Variants in KIFC1 observed in about 807,000 individuals in gnomAD.
KIFC1 encodes kinesin-like protein KIFC1.
In KIFC1, 37 loss-of-function variants were observed where a neutral mutation model predicts 66.6. The observed-to-expected ratio is 0.56, with a 90% confidence interval of 0.43 to 0.73. The LOEUF (loss-of-function observed/expected upper bound fraction) is 0.73, where lower values mean the gene tolerates loss of function less well. KIFC1 is among the 30% of genes least tolerant of loss of function. The pLI, the probability that KIFC1 is intolerant of heterozygous loss-of-function variation, is 0.00. For synonymous variants in KIFC1, 325 were observed against 343.5 expected, an observed-to-expected ratio of 0.95 and a Z score of 0.60; for missense variants, 721 against 859.8, an observed-to-expected ratio of 0.84 and a Z score of 2.02.
At chr6:33,409,514 T>C in intron 10 of KIFC1, 132 bp from the exon 11 acceptor site, 1 of 900,398 alleles carries the variant, frequency 1.1e-6, no homozygotes, top group Non-Finnish European at 1.9e-6. Context: ...GGCACCAGCC[T>C]GAACCAGCCT....
Position 33,391,885 on chromosome 6 carries a change from A to T in KIFC1, c.-101A>T. 1 of 1,451,894 alleles carries T rather than the reference A, an allele frequency of 6.9e-7. No homozygotes were observed. The highest frequency in any genetic ancestry group is 9.6e-7 in the Non-Finnish European group (1 of 1,042,496). The allele number at this position is 1,451,894 out of a possible 1,614,324, so 89.9% of individuals were successfully genotyped here. A position where few individuals can be genotyped will look rare whatever the true frequency, so the allele number is the denominator to read the frequency against. On this transcript the variant is annotated 5_prime_UTR_variant, in exon 1 of 11. Transcript: ENST00000428849. The stretch of plus-strand genomic sequence containing the variant: ...GCGGCCGGAGCCGTGCGAGTTCTCT[A>T]CCCTGCTTCGCGAGCGGGCGAGAGA...
rs891410238 is a variant in KIFC1 at position 33,405,382 on chromosome 6, G to T, written c.1287G>T (p.Gln429His). ...AGGGTGGGCCTGGGGGAGACCCCCAGTTGGAGGGGCTGATCCCTCGGGCCC... is the reference window on the plus strand; with the variant it reads ...AGGGTGGGCCTGGGGGAGACCCCCATTTGGAGGGGCTGATCCCTCGGGCCC... Reference protein sequence around the residue: ...TMEGGPGGDPQLEGLIPRALR... With the variant: ...TMEGGPGGDPHLEGLIPRALR... Residue 429 changes from glutamine (Q) to histidine (H), a missense_variant, in exon 7 of 11, where the codon CAG becomes CAT. Coordinates refer to ENST00000428849, the MANE Select transcript of KIFC1 (RefSeq NM_002263.4). This position sits in a 1 kb window ranked among gnomAD's most constrained non-coding sequence, Gnocchi z 5.4. The T allele has an allele frequency of 4.4e-6, 7 of 1,609,190 alleles. No individual in the cohort carries two copies. The African/African-American group carries it at 9.4e-5, about 22-fold the overall frequency.
At chr6:33,397,643 C>T (rs1281934112) in intron 1 of KIFC1, among the ~76,000 whole-genome samples, 1 of 152,152 alleles carries the variant, frequency 6.6e-6, no homozygotes, top group East Asian at 1.9e-4. Context: ...CCTGATTCTC[C>T]CAAGCAGTCT....
chr6:33,403,834 G>T lies in KIFC1; in HGVS notation c.461G>T (p.Arg154Leu), dbSNP rs146314962. The T allele has an allele frequency of 1.2e-6, 2 of 1,614,124 alleles. No homozygotes were observed. Among genetic ancestry groups the T allele is most frequent in the African/African-American group, 1.3e-5 (1 of 74,924 alleles). Reference sequence around the variant, plus strand: ...CTAAATGCAGAACTAAAACGGTGCCGTGAGAGGACTCAAACGTTGGACCAA... The same window carrying T: ...CTAAATGCAGAACTAAAACGGTGCCTTGAGAGGACTCAAACGTTGGACCAA... ...CDLNAELKRCRERTQTLDQEN... is the reference protein window; with the variant it reads ...CDLNAELKRCLERTQTLDQEN... Residue 154 changes from arginine to leucine, a missense_variant, in exon 6 of 11, where the codon CGT becomes CTT. Coordinates refer to ENST00000428849, the MANE Select transcript of KIFC1 (RefSeq NM_002263.4). The surrounding 1 kb of genome is among the most constrained non-coding windows in gnomAD (Gnocchi z 4.6).
chr6:33,407,084 G>A, intron 10 of KIFC1: 7 of 1,390,264 alleles, frequency 5.0e-6, no homozygotes, highest in Non-Finnish European at 6.5e-6. Flanking sequence ...ACCTGAGAAA[G>A]CTGATTAAAA....
At position 33,400,002 on chromosome 6, in the gene KIFC1, C is replaced by T. The variant is rs1775294874; in HGVS notation, c.250+1615C>T. 4 of 554,806 alleles carry T rather than the reference C, an allele frequency of 7.2e-6. No homozygotes were observed. The highest frequency in any genetic ancestry group is 9.7e-6 in the Non-Finnish European group (3 of 310,110). 34.4% of individuals were successfully genotyped at this position (554,806 alleles called of 1,614,324 possible). A position where few individuals can be genotyped will look rare whatever the true frequency, so the allele number is the denominator to read the frequency against. ...ATGTAACATTTTAATCTTTTTTTAACTTTTTTTTTTCGACCAGTTGTCAAA... is the reference window on the plus strand; with the variant it reads ...ATGTAACATTTTAATCTTTTTTTAATTTTTTTTTTTCGACCAGTTGTCAAA... On this transcript the variant is annotated intron_variant, in intron 3 of 10. Coordinates refer to ENST00000428849, the MANE Select transcript of KIFC1 (RefSeq NM_002263.4). The surrounding 1 kb of genome is among the most constrained non-coding windows in gnomAD (Gnocchi z 4.3).
At chr6:33,408,056 G>A (rs1775737594) in intron 10 of KIFC1, among the ~76,000 whole-genome samples, 1 of 152,054 alleles carries the variant, frequency 6.6e-6, no homozygotes, top group African/African-American at 2.4e-5. Flanking sequence ...AATTTTAGAG[G>A]GTGGTGATGT....
At position 33,403,234 on chromosome 6, in the gene KIFC1, T is replaced by G; in HGVS notation, c.251-80T>G. On this transcript the variant is annotated intron_variant, in intron 3 of 10. Coordinates refer to ENST00000428849, the MANE Select transcript of KIFC1 (RefSeq NM_002263.4). This position sits in a 1 kb window ranked among gnomAD's most constrained non-coding sequence, Gnocchi z 4.6. The stretch of plus-strand genomic sequence containing the variant: ...TTTCTAATTCTGAGAAAAGCACTTC[T>G]TCTGCCCCTGTCCTAGCAAGTGTAC... The G allele has an allele frequency of 7.7e-7, 1 of 1,304,478 alleles. No individual in the cohort carries two copies. Among genetic ancestry groups the G allele is most frequent in the South Asian group, 1.2e-5 (1 of 84,366 alleles). 80.8% of individuals were successfully genotyped at this position (1,304,478 alleles called of 1,614,324 possible).
chr6:33,403,926 C>A lies in KIFC1; in HGVS notation c.553C>A (p.Arg185Ser), dbSNP rs1292087085. 3 of 1,614,220 alleles carry A rather than the reference C, an allele frequency of 1.9e-6. No individual in the cohort carries two copies. Among genetic ancestry groups the A allele is most frequent in the Non-Finnish European group, 2.5e-6 (3 of 1,180,028 alleles). The change falls in exon 6 of 11, where the codon CGC becomes AGC. Residue 185 changes from arginine to serine, a missense_variant. By Grantham distance (110) the Arg-to-Ser change is moderately radical. Transcript: ENST00000428849. The surrounding 1 kb of genome is among the most constrained non-coding windows in gnomAD (Gnocchi z 4.6). Reference protein sequence around the residue: ...QQQVKALGTERTTLEGHLAKV... With the variant: ...QQQVKALGTESTTLEGHLAKV... ...GCAGGTCAAGGCCCTGGGGACAGAG[C>A]GCACAACACTGGAGGGGCATTTAGC...
Position 33,396,405 on chromosome 6 carries a change from CTTTTCT to C in KIFC1, c.13-1609_13-1604del, listed in dbSNP as rs916672607. On this transcript the variant is annotated intron_variant, in intron 1 of 10. Transcript: ENST00000428849. ...AGGTACTCAGATCTCTGTGTTATTT[CTTTTCT>C]TTTTCTTTTTCTTTCTTTTCTTTTC... 1.4e-4 allele frequency among the ~76,000 whole-genome samples: 20 copies of C among 146,974 alleles called. No homozygotes were observed. The East Asian group carries it at 1.6e-3, about 12-fold the overall frequency.
At position 33,403,743 on chromosome 6, in the gene KIFC1, C is replaced by T; in HGVS notation, c.370C>T (p.Pro124Ser). The T allele has an allele frequency of 6.2e-7, 1 of 1,612,714 alleles. No homozygotes were observed. Among genetic ancestry groups the T allele is most frequent in the South Asian group, 1.1e-5 (1 of 90,938 alleles). Reference protein sequence around the residue: ...VQKSGTSGVPPMAGGKKPSKR... With the variant: ...VQKSGTSGVPSMAGGKKPSKR... The stretch of plus-strand genomic sequence containing the variant: ...GTTCATCTTAGCATCAGGTGTTCCT[C>T]CCATGGCAGGAGGGAAGAAACCCAG... Residue 124 changes from proline to serine, a missense_variant, in exon 6 of 11, where the codon CCC (proline) becomes TCC (serine). Pro to Ser is a moderately conservative substitution (Grantham distance 74). Coordinates refer to ENST00000428849, the MANE Select transcript of KIFC1 (RefSeq NM_002263.4). The surrounding 1 kb of genome is among the most constrained non-coding windows in gnomAD (Gnocchi z 4.6).
intron 1 of KIFC1, among the ~76,000 whole-genome samples, chr6:33,396,987 CTTTTTTTTTT>C (rs9282514): frequency 0.019 from 1,693 of 89,228 alleles, 42 homozygotes; most frequent in African/African-American, 0.06. Flanking sequence ...TGGCCAAGTT[CTTTTTTTTTT>C]TTTTTTTTTT....
At chr6:33,397,321 G>T in intron 1 of KIFC1, among the ~76,000 whole-genome samples, 1 of 127,178 alleles carries the variant, frequency 7.9e-6, no homozygotes, top group African/African-American at 3.0e-5. Flanking sequence ...TTTTTGAGAC[G>T]GAGTCTTACT....
At position 33,409,677 on chromosome 6, in the gene KIFC1, C is replaced by A. The variant is rs1775828418; in HGVS notation, c.2009C>A (p.Ala670Asp). 2 of 1,607,360 alleles carry A rather than the reference C, an allele frequency of 1.2e-6. No homozygotes were observed. Among genetic ancestry groups the A allele is most frequent in the Non-Finnish European group, 1.7e-6 (2 of 1,178,218 alleles). ...CAGTGTGTTATTGGTACTGCTCAGG[C>A]CAACAGGAAGTGAAGACGGATCCAG... ...VNQCVIGTAQANRK is the reference protein window; with the variant it reads ...VNQCVIGTAQDNRK Residue 670 changes from alanine to aspartate, a missense_variant, in exon 11 of 11, where the codon GCC becomes GAC. Transcript: ENST00000428849.
In KIFC1 at chr6:33,405,258, T is replaced by G; in HGVS notation, c.1163T>G (p.Phe388Cys). Residue 388 changes from phenylalanine to cysteine, a missense_variant, in exon 7 of 11, where the codon TTT (phenylalanine) becomes TGT (cysteine). Phe to Cys is a radical substitution (Grantham distance 205). Coordinates refer to ENST00000428849, the MANE Select transcript of KIFC1 (RefSeq NM_002263.4). The surrounding 1 kb of genome is among the most constrained non-coding windows in gnomAD (Gnocchi z 5.4). ...CCAGGAAGTGGACAGGATGAAGTGT[T>G]TGAAGAGATTGCCATGCTTGTCCAG... ...FPPGSGQDEVFEEIAMLVQSA... is the reference protein window; with the variant it reads ...FPPGSGQDEVCEEIAMLVQSA... 1 of 1,614,200 alleles carries G rather than the reference T, an allele frequency of 6.2e-7. No individual in the cohort carries two copies. Among genetic ancestry groups the G allele is most frequent in the Non-Finnish European group, 8.5e-7 (1 of 1,180,032 alleles).
chr6:33,397,063 C>T (rs1421433649), intron 1 of KIFC1, among the ~76,000 whole-genome samples: 1 of 147,098 alleles, frequency 6.8e-6, no homozygotes, highest in Non-Finnish European at 1.5e-5. Flanking sequence ...GATCTCGGCT[C>T]ACCGCAACCT....
In KIFC1 at chr6:33,400,652, C is replaced by T. The variant is rs2151087559; in HGVS notation, c.250+2265C>T. On this transcript the variant is annotated intron_variant, in intron 3 of 10. Transcript: ENST00000428849. The surrounding 1 kb of genome is among the most constrained non-coding windows in gnomAD (Gnocchi z 4.3). ...CGAGCCGAAAGCCGAGAGCTTCTCT[C>T]TCTTTTTTTTTTGAGATGGAGTCTC... 1 of 662,832 alleles carries T rather than the reference C, an allele frequency of 1.5e-6. No individual in the cohort carries two copies. Among genetic ancestry groups the T allele is most frequent in the South Asian group, 1.9e-5 (1 of 53,954 alleles). 41.1% of individuals were successfully genotyped at this position (662,832 alleles called of 1,614,324 possible).
At position 33,398,200 on chromosome 6, in the gene KIFC1, G is replaced by A. The variant is rs201747101; in HGVS notation, c.150+34G>A. ...GGCATGGAGAGCTGTGCATGTGTGT[G>A]GGGGGTGTGTGTGTGTGAAAGAAAG... On this transcript the variant is annotated intron_variant, in intron 2 of 10. Transcript: ENST00000428849. 2.5e-6 allele frequency: 4 copies of A among 1,613,516 alleles called. No homozygotes were observed. In the African/African-American group the frequency reaches 4.0e-5, roughly 16 times the overall value.
upstream of KIFC1, chr6:33,391,655 A>T: frequency 1.9e-6 from 1 of 533,338 alleles, no homozygotes. Context: ...CCGGAAGTGG[A>T]ATTAATCCGC....
Sources: allele counts gnomAD v4.1 joint callset (sites outside exome capture counted in the v4.1 genomes callset), GRCh38; gene constraint gnomAD v4.1.1; non-coding constraint Gnocchi (gnomAD v3.1); transcripts MANE v1.5; gene names NCBI Gene and HGNC (gene_info 2026-07-23, HGNC 2026-07-21).